The following SLC7A5 variants were observed in gnomAD, a reference collection of about 807,000 sequenced individuals.
SLC7A5 encodes the protein solute carrier family 7 member 5.
In SLC7A5, 23 loss-of-function variants were observed where a neutral mutation model predicts 50.2. The observed-to-expected ratio is 0.46, with a 90% CI of 0.33 to 0.65. SLC7A5 has a LOEUF of 0.65. Among genes scored for constraint, SLC7A5 ranks in the 30% least tolerant of loss-of-function variants. The pLI is 0.02. For missense variants in SLC7A5, 578 were observed against 684.4 expected (o/e 0.84, Z 1.73); for synonymous variants, 393 against 330.6 (o/e 1.19, Z -2.05).
intron 5 of SLC7A5, among the ~76,000 whole-genome samples, chr16:87,839,417 C>T (rs1468417954): frequency 6.6e-6 from 1 of 152,232 alleles, no homozygotes; most frequent in East Asian, 1.9e-4. Context: ...CCCAGGCATT[C>T]TGGCTTATAG....
rs1228540690 is a variant in SLC7A5, at chr16:87,833,530, G to T, written c.1469-505C>A. Among the ~76,000 whole-genome samples the T allele has an allele frequency of 2.0e-5, 3 of 152,220 alleles. No homozygotes were observed. The highest frequency in any genetic ancestry group is 7.2e-5 in the African/African-American group (3 of 41,462). On this transcript the variant is annotated intron_variant, in intron 9 of 9. Transcript: ENST00000261622. The surrounding 1 kb of genome is among the most constrained non-coding windows in gnomAD (Gnocchi z 6.0). ...GACTGCTTTCAGGATAGAGACGGGG[G>T]TTTGCTTTAAGCTCTTGGTGTCCTG...
chr16:87,863,319 G>C (rs2055421921), intron 1 of SLC7A5, among the ~76,000 whole-genome samples: 1 of 152,192 alleles, frequency 6.6e-6, no homozygotes, highest in African/African-American at 2.4e-5. Flanking sequence ...CCGGGCCACA[G>C]TGGACCGGGA....
rs1235807625 is a variant in SLC7A5, at chr16:87,853,283, C to CGGG, written c.539-1437_539-1435dup. Among the ~76,000 whole-genome samples the CGGG allele has an allele frequency of 2.6e-5, 4 of 152,226 alleles. No homozygotes were observed. Among genetic ancestry groups the CGGG allele is most frequent in the South Asian group, 2.1e-4 (1 of 4,830 alleles). On this transcript the variant is annotated intron_variant, in intron 1 of 9. Transcript: ENST00000261622. This position sits in a 1 kb window ranked among gnomAD's most constrained non-coding sequence, Gnocchi z 4.4. ...ATGACACCGGAAACGTCCTGAGGTGCGGGACGGGCTGCCGCCTGCCTATCT... is the reference window on the plus strand; with the variant it reads ...ATGACACCGGAAACGTCCTGAGGTGCGGGGGGACGGGCTGCCGCCTGCCTATCT...
intron 1 of SLC7A5, among the ~76,000 whole-genome samples, chr16:87,858,313 G>A (rs999823345): frequency 2.0e-5 from 3 of 152,168 alleles, no homozygotes; most frequent in African/African-American, 7.2e-5. Flanking sequence ...AATCTGACCA[G>A]TCACCGCAGC....
At chr16:87,837,717 A>T in intron 7 of SLC7A5, 128 bp downstream of exon 7, 1 of 716,000 alleles carries the variant, frequency 1.4e-6, no homozygotes, top group South Asian at 1.7e-5. Flanking sequence ...GGAGCTCGGC[A>T]GGAGGCCACA....
At chr16:87,836,388 G>C in intron 8 of SLC7A5, 110 bp downstream of exon 8, 1 of 1,250,738 alleles carries the variant, frequency 8.0e-7, no homozygotes, top group Non-Finnish European at 1.1e-6. Flanking sequence ...GCAGGCAGGG[G>C]CAGGTCCAGA....
chr16:87,861,150 T>C lies in SLC7A5; in HGVS notation c.538+7735A>G, dbSNP rs1597516870. Reference sequence around the variant, plus strand: ...CCCTGCAGACGGGCCAGGCAAGGCCTGCCCATGGCCAGCTATCCAGGTGAT... The same window carrying C: ...CCCTGCAGACGGGCCAGGCAAGGCCCGCCCATGGCCAGCTATCCAGGTGAT... On this transcript the variant is annotated intron_variant, in intron 1 of 9. Transcript: ENST00000261622. The surrounding 1 kb of genome is among the most constrained non-coding windows in gnomAD (Gnocchi z 4.2). Among the ~76,000 whole-genome samples the C allele has an allele frequency of 6.6e-6, 1 of 152,184 alleles. No homozygotes were observed. The highest frequency in any genetic ancestry group is 6.5e-5 in the Admixed American group (1 of 15,290).
In SLC7A5 at chr16:87,834,586, G is replaced by A; in HGVS notation, c.1296C>T (p.Asn432=). Residue 432 remains asparagine, a synonymous_variant, in exon 9 of 10, where the codon AAC becomes AAT. Transcript: ENST00000261622. ...GGATGAAGAACACAGGCAGGGCCAG[G>A]TTCACCTGGGGCAGAGGACAGGGCC... The part of the protein sequence containing the change: ...KPELERPIKV[N]LALPVFFILA... The A allele has an allele frequency of 6.3e-7, 1 of 1,586,792 alleles. No individual in the cohort carries two copies.
chr16:87,839,564 G>C, intron 5 of SLC7A5, 138 bp downstream of exon 5: 1 of 1,203,086 alleles, frequency 8.3e-7, no homozygotes, highest in Non-Finnish European at 1.2e-6. Flanking sequence ...CACCCCTCCG[G>C]GTAGGGGAGG....
intron 1 of SLC7A5, among the ~76,000 whole-genome samples, chr16:87,859,983 C>G (rs974978383): frequency 6.6e-6 from 1 of 151,964 alleles, no homozygotes; most frequent in African/African-American, 2.4e-5. Context: ...TACCCAGATA[C>G]TCCTTTCTAT....
At chr16:87,843,600 G>C (rs2055110577) in intron 2 of SLC7A5, among the ~76,000 whole-genome samples, 1 of 151,854 alleles carries the variant, frequency 6.6e-6, no homozygotes, top group African/African-American at 2.4e-5. Flanking sequence ...ACCAGAGGTG[G>C]GAGTTAGACA....
intron 1 of SLC7A5, among the ~76,000 whole-genome samples, chr16:87,866,299 G>A (rs1449005268): frequency 2.0e-5 from 3 of 152,102 alleles, no homozygotes; most frequent in Non-Finnish European, 4.4e-5. Context: ...AAGCAGCTCC[G>A]GAAGCATACA....
chr16:87,839,111 C>G (rs190315086), intron 5 of SLC7A5, among the ~76,000 whole-genome samples: 1,991 of 152,346 alleles, frequency 0.013, 70 homozygotes, highest in African/African-American at 0.045. Flanking sequence ...TGCCTTCCCC[C>G]GTGGGGTCCT....
chr16:87,830,093 C>G lies in SLC7A5; in HGVS notation c.*2877G>C, dbSNP rs905910672. 1 of 152,184 alleles carries G rather than the reference C, an allele frequency of 6.6e-6. No individual in the cohort carries two copies. Among genetic ancestry groups the G allele is most frequent in the African/African-American group, 2.4e-5 (1 of 41,450 alleles). The allele number at this position is 152,184 out of a possible 1,614,324, so 9.4% of individuals were successfully genotyped here. A position where few individuals can be genotyped will look rare whatever the true frequency, so the allele number is the denominator to read the frequency against. On this transcript the variant is annotated 3_prime_UTR_variant, in exon 10 of 10. Coordinates refer to ENST00000261622, the MANE Select transcript of SLC7A5 (RefSeq NM_003486.7). ...GCCAGAACACCCTACCCAACCCAGC[C>G]CAGTGTAACAGGTTAGCCATTAACA...
rs1460995096 is a variant in SLC7A5, at chr16:87,869,229, C to A, written c.194G>T (p.Gly65Val). ...CGTGGGCGTCACGAAGATGCCCGAGCCGATAATGGTCCCCACGATGATGGC... is the reference window on the plus strand; with the variant it reads ...CGTGGGCGTCACGAAGATGCCCGAGACGATAATGGTCCCCACGATGATGGC... ...GVAIIVGTIIGSGIFVTPTGV... is the reference protein window; with the variant it reads ...GVAIIVGTIIVSGIFVTPTGV... The change falls in exon 1 of 10, where the codon GGC (glycine) becomes GTC (valine). Residue 65 changes from glycine to valine, a missense_variant. Around this residue, in one of 2 missense-constraint regions of SLC7A5, gnomAD observed 465 missense variants for 594.6 expected, o/e 0.78. Coordinates refer to ENST00000261622, the MANE Select transcript of SLC7A5 (RefSeq NM_003486.7). 3.7e-6 allele frequency: 6 copies of A among 1,612,700 alleles called. No individual in the cohort carries two copies. Among genetic ancestry groups the A allele is most frequent in the Non-Finnish European group, 5.1e-6 (6 of 1,179,882 alleles).
rs551581054 is a variant in SLC7A5 at position 87,853,654 on chromosome 16, T to TG, written c.539-1806dup. 6.6e-6 allele frequency among the ~76,000 whole-genome samples: 1 copy of TG among 152,034 alleles called. No individual in the cohort carries two copies. Among genetic ancestry groups the TG allele is most frequent in the Non-Finnish European group, 1.5e-5 (1 of 68,000 alleles). On this transcript the variant is annotated intron_variant, in intron 1 of 9. Coordinates refer to ENST00000261622, the MANE Select transcript of SLC7A5 (RefSeq NM_003486.7). The surrounding 1 kb of genome is among the most constrained non-coding windows in gnomAD (Gnocchi z 4.4). Reference sequence around the variant, plus strand: ...CTTGCCAGTCCCATTTCCTTATGGTTGGGGGGAGCACGACCATAAAAGAAA... The same window carrying TG: ...CTTGCCAGTCCCATTTCCTTATGGTTGGGGGGGAGCACGACCATAAAAGAAA...
chr16:87,832,948 C>T lies in SLC7A5; in HGVS notation c.*22G>A, dbSNP rs756902610. 82 of 1,606,956 alleles carry T rather than the reference C, an allele frequency of 5.1e-5. No homozygotes were observed. Among genetic ancestry groups the T allele is most frequent in the East Asian group, 1.6e-4 (7 of 44,850 alleles). ...TAACTGGCCTCTGCGCATGCTCCTC[C>T]GGCAGCCACTCGGCCTCCTGGCTAT... is the stretch of plus-strand genomic sequence containing the variant. On this transcript the variant is annotated 3_prime_UTR_variant, in exon 10 of 10. Transcript: ENST00000261622. This position sits in a 1 kb window ranked among gnomAD's most constrained non-coding sequence, Gnocchi z 4.6.
At chr16:87,857,106 C>T (rs1398878331) in intron 1 of SLC7A5, among the ~76,000 whole-genome samples, 3 of 152,242 alleles carry the variant, frequency 2.0e-5, no homozygotes, top group East Asian at 1.9e-4. Context: ...CCTGCCCATG[C>T]CGGCTCCAGA....
intron 2 of SLC7A5, among the ~76,000 whole-genome samples, chr16:87,848,182 G>A (rs918592246): frequency 6.6e-6 from 1 of 152,254 alleles, no homozygotes; most frequent in Non-Finnish European, 1.5e-5. Context: ...CAATGTGGGA[G>A]GAGAAGGAAA....
Sources: gnomAD v4.1 joint callset for allele counts (sites outside exome capture counted in the v4.1 genomes callset) on GRCh38, gnomAD v4.1.1 for gene constraint, gnomAD v4.1.1 regional missense constraint, Gnocchi (gnomAD v3.1) non-coding constraint, MANE v1.5 for transcripts, NCBI Gene and HGNC (gene_info 2026-07-23, HGNC 2026-07-21) for gene names.